The following COLEC10 variants were observed in gnomAD, a reference collection of about 807,000 sequenced individuals.
COLEC10 encodes collectin subfamily member 10.
A neutral mutation model predicts 28.4 loss-of-function variants in COLEC10; 22 were observed. The observed-to-expected ratio is 0.78, with a 90% CI of 0.55 to 1.11. The LOEUF is 1.11. Ranked by LOEUF, COLEC10 falls within the 50% of genes least tolerant of loss-of-function variation. The probability of loss-of-function intolerance (pLI) is 0.00; values close to 1 mark genes in which losing one functional copy is unlikely to be tolerated. For synonymous variants in COLEC10, 125 were observed against 116.1 expected (o/e 1.08, Z -0.49); for missense variants, 361 against 344.1 (o/e 1.05, Z -0.39).
the COLEC10 span, among the ~76,000 whole-genome samples, chr8:118,962,985 A>T: frequency 1.3e-5 from 2 of 152,272 alleles, no homozygotes; most frequent in South Asian, 4.1e-4. Flanking sequence ...CGTTCAAGGG[A>T]TTAATAATCT....
chr8:119,064,085 T>A (rs1814907578), upstream of COLEC10, among the ~76,000 whole-genome samples: 1 of 152,186 alleles, frequency 6.6e-6, no homozygotes, highest in South Asian at 2.1e-4. Context: ...CTTTTAAATG[T>A]CAGTAGAAAC....
At chr8:119,017,993 A>C (rs1399570558) in intron 2 of COLEC10, among the ~76,000 whole-genome samples, 1 of 152,170 alleles carries the variant, frequency 6.6e-6, no homozygotes, top group Non-Finnish European at 1.5e-5. Flanking sequence ...TAAAGGACTT[A>C]CCCCATAGCC....
intron 2 of COLEC10, among the ~76,000 whole-genome samples, chr8:119,037,895 T>C (rs1436413947): frequency 5.3e-5 from 8 of 152,240 alleles, no homozygotes; most frequent in African/African-American, 1.9e-4. Context: ...CTTGAATGAT[T>C]ATATTAAATA....
chr8:119,054,343 G>T (rs986188946), intron 2 of COLEC10, among the ~76,000 whole-genome samples: 3 of 152,000 alleles, frequency 2.0e-5, no homozygotes, highest in Non-Finnish European at 4.4e-5. Flanking sequence ...CTGTATTTTA[G>T]GAATGCAACT....
At chr8:119,012,980 G>A (rs2130088637) in intron 2 of COLEC10, among the ~76,000 whole-genome samples, 1 of 148,016 alleles carries the variant, frequency 6.8e-6, no homozygotes, top group Non-Finnish European at 1.5e-5. Context: ...CTGATCTAAT[G>A]TTTCTTCTGT....
At chr8:119,038,237 C>T (rs1814426352) in intron 2 of COLEC10, among the ~76,000 whole-genome samples, 1 of 152,198 alleles carries the variant, frequency 6.6e-6, no homozygotes, top group Non-Finnish European at 1.5e-5. Context: ...TAACCTTGAG[C>T]ATTATTCAAC....
intron 3 of COLEC10, among the ~76,000 whole-genome samples, chr8:119,100,735 C>G (rs1815809689): frequency 6.6e-6 from 1 of 152,182 alleles, no homozygotes; most frequent in Non-Finnish European, 1.5e-5. Flanking sequence ...TTCAATGTCT[C>G]TCTCACAACA....
upstream of COLEC10, among the ~76,000 whole-genome samples, chr8:118,992,785 G>T (rs541753452): frequency 6.6e-6 from 1 of 151,992 alleles, no homozygotes; most frequent in Non-Finnish European, 1.5e-5. Flanking sequence ...TAATTAAAAG[G>T]TAGAATATTC....
chr8:119,047,028 C>A (rs998526128), intron 2 of COLEC10, among the ~76,000 whole-genome samples: 5 of 152,064 alleles, frequency 3.3e-5, no homozygotes, highest in African/African-American at 1.2e-4. Flanking sequence ...AAAAACATAC[C>A]CTTGCAAAAT....
At chr8:119,022,664 C>T (rs532538241) in intron 2 of COLEC10, among the ~76,000 whole-genome samples, 3 of 152,126 alleles carry the variant, frequency 2.0e-5, no homozygotes, top group East Asian at 3.9e-4. Context: ...AGGGCACTCA[C>T]CTCTCACCTG....
chr8:118,968,966 G>C, the COLEC10 span, among the ~76,000 whole-genome samples: 1 of 150,686 alleles, frequency 6.6e-6, no homozygotes, highest in Non-Finnish European at 1.5e-5. Flanking sequence ...CAGAAACCGT[G>C]AGTGTGTTAA....
At chr8:119,043,916 T>G (rs1340462987) in intron 2 of COLEC10, among the ~76,000 whole-genome samples, 1 of 152,232 alleles carries the variant, frequency 6.6e-6, no homozygotes, top group Non-Finnish European at 1.5e-5. Flanking sequence ...TTTTCTTTCT[T>G]GTTCTTTTTA....
At chr8:118,966,671 G>C in the COLEC10 span, among the ~76,000 whole-genome samples, 1 of 149,090 alleles carries the variant, frequency 6.7e-6, no homozygotes, top group African/African-American at 2.5e-5. Context: ...GGATGAAAAT[G>C]TTCCATGTTT....
At chr8:118,961,494 C>T in the COLEC10 span, among the ~76,000 whole-genome samples, 3 of 152,308 alleles carry the variant, frequency 2.0e-5, no homozygotes, top group Admixed American at 2.0e-4. Context: ...CAGGCGCTGG[C>T]CTTCTCTGCA....
At chr8:119,064,062 A>T (rs563760236), upstream of COLEC10, among the ~76,000 whole-genome samples, 8 of 152,314 alleles carry the variant, frequency 5.3e-5, no homozygotes, top group South Asian at 1.0e-3. Flanking sequence ...TTCTGAATAA[A>T]CAAGACTGAA....
At chr8:118,969,077 CT>C in the COLEC10 span, among the ~76,000 whole-genome samples, 2 of 151,926 alleles carry the variant, frequency 1.3e-5, no homozygotes, top group Admixed American at 6.6e-5. Flanking sequence ...TTACAAGGAT[CT>C]CTATAAGAGG....
At chr8:119,052,489 ATTACTGGCC>A (rs1281761775) in intron 2 of COLEC10, among the ~76,000 whole-genome samples, 2 of 152,168 alleles carry the variant, frequency 1.3e-5, no homozygotes, top group Non-Finnish European at 2.9e-5. Flanking sequence ...CATAGCTATC[ATTACTGGCC>A]TTAATTTCTA....
intron 1 of COLEC10, among the ~76,000 whole-genome samples, chr8:119,082,139 A>C (rs1209296500): frequency 6.6e-6 from 1 of 152,188 alleles, no homozygotes; most frequent in Non-Finnish European, 1.5e-5. Flanking sequence ...CTTGGAAATT[A>C]GAGCATGACT....
At chr8:118,992,900 C>T (rs1406335541), upstream of COLEC10, among the ~76,000 whole-genome samples, 1 of 151,996 alleles carries the variant, frequency 6.6e-6, no homozygotes, top group East Asian at 1.9e-4. Flanking sequence ...CAGAATGTCC[C>T]AGTATTATCA....
Sources: gnomAD v4.1 joint callset for allele counts (sites outside exome capture counted in the v4.1 genomes callset) on GRCh38, gnomAD v4.1.1 for gene constraint, MANE v1.5 for transcripts, NCBI Gene and HGNC (gene_info 2026-07-23, HGNC 2026-07-21) for gene names.